Variants in ATF7 observed in about 807,000 individuals in gnomAD.
ATF7 encodes the protein activating transcription factor 7.
Under a neutral mutation model 50.4 loss-of-function variants are expected in ATF7, and 10 were observed. That is an observed-to-expected ratio of 0.20 (90% CI 0.12 to 0.34). The LOEUF is 0.34. Among genes scored for constraint, ATF7 ranks in the 10% least tolerant of loss-of-function variants. ATF7 has a pLI of 1.00. For synonymous variants in ATF7, 201 were observed against 226.4 expected, an observed-to-expected ratio of 0.89 and a Z score of 1.01; for missense variants, 465 against 613.9, an observed-to-expected ratio of 0.76 and a Z score of 2.56.
intron 5 of ATF7, among the ~76,000 whole-genome samples, chr12:53,536,563 C>T (rs1414434757): frequency 2.6e-5 from 4 of 151,758 alleles, no homozygotes; most frequent in Non-Finnish European, 4.4e-5. Flanking sequence ...AGGCATGAGC[C>T]ACCGTGCCTG....
At chr12:53,601,255 C>G (rs560578635) in intron 1 of ATF7, among the ~76,000 whole-genome samples, 2 of 152,298 alleles carry the variant, frequency 1.3e-5, no homozygotes, top group East Asian at 3.9e-4. Context: ...CAAGGAATTT[C>G]AAACCTTTGC....
chr12:53,583,276 G>A (rs1013421042), intron 2 of ATF7, among the ~76,000 whole-genome samples: 23 of 151,968 alleles, frequency 1.5e-4, no homozygotes, highest in African/African-American at 4.8e-4. Context: ...CAGATCAGTC[G>A]CAGCATTAGA....
intron 1 of ATF7, among the ~76,000 whole-genome samples, chr12:53,601,258 A>C (rs1385669178): frequency 6.6e-6 from 1 of 152,150 alleles, no homozygotes; most frequent in African/African-American, 2.4e-5. Context: ...GGAATTTCAA[A>C]CCTTTGCTAG....
At chr12:53,615,295 A>G (rs1026701791) in intron 1 of ATF7, among the ~76,000 whole-genome samples, 3 of 151,548 alleles carry the variant, frequency 2.0e-5, no homozygotes, top group Admixed American at 1.3e-4. Context: ...GAGGCAGAAG[A>G]ATGGCATGAA....
chr12:53,584,906 A>C (rs1259517546), intron 2 of ATF7, among the ~76,000 whole-genome samples: 3 of 152,204 alleles, frequency 2.0e-5, no homozygotes, highest in African/African-American at 7.2e-5. Flanking sequence ...AGGGATGAAC[A>C]GGCAGAGCAC....
chr12:53,570,394 G>C (rs1399508009), intron 2 of ATF7, among the ~76,000 whole-genome samples: 1 of 152,114 alleles, frequency 6.6e-6, no homozygotes, highest in East Asian at 1.9e-4. Flanking sequence ...AATACTGATG[G>C]GTGTCAGGCA....
chr12:53,539,718 GAATGAATGAATGA>G (rs1939426108), intron 4 of ATF7, among the ~76,000 whole-genome samples: 1 of 88,926 alleles, frequency 1.1e-5, no homozygotes, highest in Non-Finnish European at 2.5e-5. Context: ...ATGAATGAAT[GAATGAATGAATGA>G]AAAAAAATGA....
rs771055521 is a variant in ATF7, at chr12:53,533,276, G to A, written c.561-17C>T. 4 of 1,575,464 alleles carry A rather than the reference G, an allele frequency of 2.5e-6. No individual in the cohort carries two copies. The Admixed American group carries it at 6.7e-5, about 26-fold the overall frequency. The stretch of plus-strand genomic sequence containing the variant: ...GTGGGAGACCTAGAGGAGACATGAA[G>A]TGAAATGCTCATAACACAGACCTTT... On this transcript the variant is annotated splice_polypyrimidine_tract_variant and intron_variant, in intron 6 of 11. Transcript: ENST00000420353.
At chr12:53,523,977 TA>T (rs1413762774) in intron 10 of ATF7, among the ~76,000 whole-genome samples, 1 of 152,196 alleles carries the variant, frequency 6.6e-6, no homozygotes, top group African/African-American at 2.4e-5. Context: ...GTCTGGAAGG[TA>T]CATACTGAAT....
At chr12:53,610,063 C>T (rs986874360) in intron 1 of ATF7, among the ~76,000 whole-genome samples, 8 of 151,978 alleles carry the variant, frequency 5.3e-5, no homozygotes, top group East Asian at 2.0e-4. Flanking sequence ...GTGATCCGCC[C>T]GCCTCGGCCT....
intron 5 of ATF7, among the ~76,000 whole-genome samples, chr12:53,537,183 C>T (rs891149992): frequency 6.6e-6 from 1 of 151,810 alleles, no homozygotes; most frequent in African/African-American, 2.4e-5. Context: ...GATCCTCCAC[C>T]TCATACTCTC....
chr12:53,615,308 C>T (rs983907518), intron 1 of ATF7, among the ~76,000 whole-genome samples: 1 of 151,908 alleles, frequency 6.6e-6, no homozygotes, highest in African/African-American at 2.4e-5. Flanking sequence ...GGCATGAACC[C>T]GGGAGGCGAA....
intron 7 of ATF7, 47 bp from the exon 8 acceptor site, chr12:53,532,670 C>T: frequency 7.4e-7 from 1 of 1,354,560 alleles, no homozygotes; most frequent in Non-Finnish European, 1.0e-6. Flanking sequence ...GAACATAATA[C>T]CATCGGTGGG....
intron 3 of ATF7, among the ~76,000 whole-genome samples, chr12:53,546,524 C>T (rs1254502264): frequency 6.6e-6 from 1 of 151,668 alleles, no homozygotes; most frequent in East Asian, 1.9e-4. Context: ...TCTCGGCTCA[C>T]TGCAACCTCC....
chr12:53,563,902 T>C (rs1340664609), intron 2 of ATF7, among the ~76,000 whole-genome samples: 1 of 152,238 alleles, frequency 6.6e-6, no homozygotes, highest in Non-Finnish European at 1.5e-5. Context: ...AATTAGTGTA[T>C]CCTCTTGCCT....
intron 2 of ATF7, 145 bp from the exon 3 acceptor site, chr12:53,552,782 G>A: frequency 3.0e-6 from 2 of 659,604 alleles, no homozygotes; most frequent in Non-Finnish European, 5.3e-6. Flanking sequence ...TGGAAGAGGA[G>A]AAGAGATGGA....
chr12:53,540,285 AG>A (rs1939464124), intron 4 of ATF7, among the ~76,000 whole-genome samples: 2 of 149,948 alleles, frequency 1.3e-5, no homozygotes, highest in Admixed American at 6.7e-5. Flanking sequence ...CAGGAGGTGG[AG>A]GTTGCAGTGA....
At chr12:53,580,460 C>A (rs1454162188) in intron 2 of ATF7, among the ~76,000 whole-genome samples, 1 of 148,988 alleles carries the variant, frequency 6.7e-6, no homozygotes, top group African/African-American at 2.5e-5. Context: ...GTCAGGAGAT[C>A]GAGACCATCC....
chr12:53,619,876 T>A (rs116254698), intron 1 of ATF7, among the ~76,000 whole-genome samples: 2 of 151,518 alleles, frequency 1.3e-5, no homozygotes, highest in African/African-American at 4.9e-5. Context: ...CCAGGCACAG[T>A]AGCTCATGCG....
Sources: allele counts gnomAD v4.1 joint callset (sites outside exome capture counted in the v4.1 genomes callset), GRCh38; gene constraint gnomAD v4.1.1; transcripts MANE v1.5; gene names NCBI Gene and HGNC (gene_info 2026-07-23, HGNC 2026-07-21).